The following MEI1 variants were observed in gnomAD, a reference collection of about 807,000 sequenced individuals.
MEI1 encodes the protein meiosis inhibitor protein 1.
Under a neutral mutation model 146.2 loss-of-function variants are expected in MEI1, and 103 were observed. The observed-to-expected ratio is 0.70, with a 90% confidence interval of 0.60 to 0.83. The LOEUF is 0.83. Among genes scored for constraint, MEI1 ranks in the 40% least tolerant of loss-of-function variants. MEI1 has a pLI of 0.00. For synonymous variants in MEI1, 652 were observed against 628.2 expected, an observed-to-expected ratio of 1.04 and a Z score of -0.57; for missense variants, 1,529 against 1,533.0, an observed-to-expected ratio of 1.00 and a Z score of 0.04.
intron 6 of MEI1, among the ~76,000 whole-genome samples, chr22:41,721,828 C>T (rs758913764): frequency 7.3e-6 from 1 of 137,442 alleles, no homozygotes; most frequent in Non-Finnish European, 1.5e-5. Context: ...TCAAGTGATT[C>T]TCCTGCCACA....
chr22:41,761,319 G>GTT (rs369088821), intron 18 of MEI1, among the ~76,000 whole-genome samples: 4 of 120,962 alleles, frequency 3.3e-5, no homozygotes, highest in Non-Finnish European at 5.1e-5. Flanking sequence ...TTTTTTTTTT[G>GTT]TTTTTTTTTT....
At chr22:41,728,818 A>G (rs1163715767) in intron 7 of MEI1, among the ~76,000 whole-genome samples, 1 of 151,026 alleles carries the variant, frequency 6.6e-6, no homozygotes, top group Non-Finnish European at 1.5e-5. Flanking sequence ...TCATGTTCAC[A>G]CGGCTGCACT....
chr22:41,738,678 A>G (rs184680595), intron 11 of MEI1, among the ~76,000 whole-genome samples: 128 of 151,600 alleles, frequency 8.4e-4, no homozygotes, highest in African/African-American at 2.9e-3. Flanking sequence ...AGGCTGAGGC[A>G]GGAGAGTCAC....
At chr22:41,762,548 T>G (rs1293246353) in intron 18 of MEI1, among the ~76,000 whole-genome samples, 4 of 142,714 alleles carry the variant, frequency 2.8e-5, no homozygotes, top group Non-Finnish European at 6.2e-5. Flanking sequence ...CTAATTTAAC[T>G]GATTTTTTTT....
chr22:41,716,472 G>A (rs1330900768), intron 5 of MEI1, among the ~76,000 whole-genome samples: 3 of 146,204 alleles, frequency 2.1e-5, no homozygotes, highest in Non-Finnish European at 3.0e-5. Context: ...CACCTCCCGG[G>A]TTCAAGCGAT....
rs1479024702 is a variant in MEI1, at chr22:41,732,281, T to G, written c.1133T>G (p.Leu378Arg). 3.7e-6 allele frequency: 6 copies of G among 1,612,124 alleles called. No individual in the cohort carries two copies. Among genetic ancestry groups the G allele is most frequent in the Non-Finnish European group, 5.1e-6 (6 of 1,179,268 alleles). ...EAVVRSLQGS[L>R]KMNNIELHKQ... is the part of the protein sequence containing the mutation. ...GTGGTGAGGAGCCTGCAGGGAAGCC[T>G]GAAGATGAACAACATAGAGCTGCAC... Residue 378 changes from leucine (L) to arginine (R), a missense_variant, in exon 10 of 31, where the codon CTG becomes CGG. Around this residue, in one of 3 missense-constraint regions of MEI1, gnomAD observed 1,212 missense variants for 1,178.9 expected, o/e 1.03. Transcript: ENST00000401548.
intron 1 of MEI1, among the ~76,000 whole-genome samples, chr22:41,700,749 ATT>A (rs78862314): frequency 1.7e-5 from 2 of 117,666 alleles, no homozygotes; most frequent in African/African-American, 7.6e-5. Flanking sequence ...GCAGTTCTCA[ATT>A]TTTTTTTTTT....
chr22:41,753,794 A>G, intron 16 of MEI1, 155 bp from the exon 17 acceptor site: 3 of 604,252 alleles, frequency 5.0e-6, no homozygotes, highest in Non-Finnish European at 8.9e-6. Flanking sequence ...TTTACTTTTC[A>G]TAGCCACCTT....
chr22:41,757,537 T>G (rs2074177533), intron 17 of MEI1, among the ~76,000 whole-genome samples: 1 of 151,822 alleles, frequency 6.6e-6, no homozygotes, highest in Admixed American at 6.6e-5. Flanking sequence ...TTTGTATTTT[T>G]GTAGGGACGG....
At position 41,776,106 on chromosome 22, in the gene MEI1, T is replaced by C; in HGVS notation, c.2549T>C (p.Leu850Pro). ...GCTTTCTTCTCTCCTGCTCAGGACC[T>C]CATCTATTCCAGCCCAGTGGACACA... ...IPSILLILLDLIYSSPVDTAH... is the reference protein window; with the variant it reads ...IPSILLILLDPIYSSPVDTAH... The change falls in exon 21 of 31, where the codon CTC (leucine) becomes CCC (proline). Residue 850 changes from leucine to proline, a missense_variant. Physicochemically the swap from Leu to Pro is moderately conservative, Grantham distance 98. This residue lies in a region of MEI1 where 1,212 missense variants were observed against 1,178.9 expected (regional missense o/e 1.03). Coordinates refer to ENST00000401548, the MANE Select transcript of MEI1 (RefSeq NM_152513.4). 1 of 1,613,920 alleles carries C rather than the reference T, an allele frequency of 6.2e-7. No homozygotes were observed. Among genetic ancestry groups the C allele is most frequent in the Non-Finnish European group, 8.5e-7 (1 of 1,179,822 alleles).
At chr22:41,714,661 A>G (rs1243265327) in intron 4 of MEI1, among the ~76,000 whole-genome samples, 2 of 151,986 alleles carry the variant, frequency 1.3e-5, no homozygotes, top group Non-Finnish European at 2.9e-5. Context: ...ACTTGAGGTC[A>G]GGAGTTCGAG....
At chr22:41,720,201 G>A (rs6002451) in intron 6 of MEI1, among the ~76,000 whole-genome samples, 5 of 152,208 alleles carry the variant, frequency 3.3e-5, no homozygotes, top group South Asian at 2.1e-4. Context: ...CCTAAATTGG[G>A]GGGGAGAGGA....
At chr22:41,767,540 A>C (rs1424293112) in intron 19 of MEI1, 1 of 455,698 alleles carries the variant, frequency 2.2e-6, no homozygotes, top group East Asian at 6.9e-5. Flanking sequence ...TCAGAGTGTC[A>C]GGCCTTACTT....
chr22:41,719,673 A>G (rs1229410304), intron 6 of MEI1, among the ~76,000 whole-genome samples: 1 of 152,206 alleles, frequency 6.6e-6, no homozygotes, highest in African/African-American at 2.4e-5. Flanking sequence ...ACTTTGGGGA[A>G]CACATTCAAA....
intron 13 of MEI1, among the ~76,000 whole-genome samples, chr22:41,745,516 T>A (rs989012627): frequency 2.0e-5 from 3 of 152,092 alleles, no homozygotes; most frequent in African/African-American, 7.2e-5. Context: ...GAAGAGATGC[T>A]TTTTGGTATA....
intron 26 of MEI1, among the ~76,000 whole-genome samples, chr22:41,793,032 CTTTTTTTTTTTTTTTTTTT>C (rs869223251): frequency 2.1e-5 from 1 of 48,398 alleles, no homozygotes; most frequent in African/African-American, 4.3e-5. Flanking sequence ...ACAAAGCATT[CTTTTTTTTTTTTTTTTTTT>C]TTTTTTTTTT....
intron 11 of MEI1, among the ~76,000 whole-genome samples, chr22:41,736,544 C>G (rs985721497): frequency 6.6e-6 from 1 of 152,014 alleles, no homozygotes; most frequent in African/African-American, 2.4e-5. Context: ...TGAGCTACCG[C>G]GCCTGGCCAA....
intron 6 of MEI1, among the ~76,000 whole-genome samples, chr22:41,718,954 C>G (rs1183377852): frequency 6.6e-6 from 1 of 151,092 alleles, no homozygotes; most frequent in Admixed American, 6.6e-5. Context: ...TCACTGCAAC[C>G]TCTACCTCCC....
chr22:41,742,081 G>A lies in MEI1; in HGVS notation c.1332-999G>A, dbSNP rs1000622109. Among the ~76,000 whole-genome samples, 13 of 151,884 alleles carry A rather than the reference G, an allele frequency of 8.6e-5. 1 individual carries two copies. Among genetic ancestry groups the A allele is most frequent in the African/African-American group, 2.9e-4 (12 of 41,336 alleles). On this transcript the variant is annotated intron_variant, in intron 11 of 30. Transcript: ENST00000401548. ...TTGAAACCAGCCTGGCCAACATGGT[G>A]AAATCTCATCTCTACTAAAAGTACA...
Sources: allele counts gnomAD v4.1 joint callset (sites outside exome capture counted in the v4.1 genomes callset), GRCh38; gene constraint gnomAD v4.1.1; regional missense constraint gnomAD v4.1.1; transcripts MANE v1.5; gene names NCBI Gene and HGNC (gene_info 2026-07-23, HGNC 2026-07-21).